The following MAGI1 variants were observed in gnomAD, a reference collection of about 807,000 sequenced individuals.
MAGI1 encodes membrane associated guanylate kinase, WW and PDZ domain containing 1.
In MAGI1, 58 loss-of-function variants were observed where a neutral mutation model predicts 139.9. The observed-to-expected ratio is 0.41, with a 90% CI of 0.34 to 0.52. The LOEUF (loss-of-function observed/expected upper bound fraction) is 0.52, where lower values mean the gene tolerates loss of function less well. MAGI1 is among the 20% of genes least tolerant of loss of function. The probability of loss-of-function intolerance (pLI) is 0.12; values close to 1 mark genes in which losing one functional copy is unlikely to be tolerated. For missense variants in MAGI1, 1,874 were observed against 1,901.6 expected (o/e 0.99, Z 0.27); for synonymous variants, 812 against 737.9 (o/e 1.10, Z -1.63).
intron 6 of MAGI1, among the ~76,000 whole-genome samples, chr3:65,449,306 A>G (rs949775084): frequency 2.6e-5 from 4 of 152,228 alleles, no homozygotes; most frequent in Admixed American, 6.5e-5. Context: ...TGCCAGCGGT[A>G]AGTTTTGATT....
At chr3:65,636,453 T>C (rs2084623977) in intron 1 of MAGI1, among the ~76,000 whole-genome samples, 1 of 152,180 alleles carries the variant, frequency 6.6e-6, no homozygotes, top group African/African-American at 2.4e-5. Flanking sequence ...AAAGTGATTA[T>C]AAATAATGGG....
rs148749526 is a variant in MAGI1, at chr3:65,964,778, T to C, written c.313+73218A>G. Among the ~76,000 whole-genome samples the C allele has an allele frequency of 8.4e-4, 128 of 152,336 alleles. 1 individual carries two copies. Among genetic ancestry groups the C allele is most frequent in the Middle Eastern group, 3.4e-3 (1 of 294 alleles). On this transcript the variant is annotated intron_variant, in intron 1 of 22. Coordinates refer to ENST00000402939, the MANE Select transcript of MAGI1 (RefSeq NM_001033057.2). ...ATCATGCAAATCCTCAGGCATATCC[T>C]AGGTTCACTTTCAGGGGATTCCCTG... is the stretch of plus-strand genomic sequence containing the variant.
chr3:66,011,333 G>A (rs1026874829), intron 1 of MAGI1, among the ~76,000 whole-genome samples: 1 of 152,192 alleles, frequency 6.6e-6, no homozygotes, highest in Non-Finnish European at 1.5e-5. Flanking sequence ...TTGAAAGCTA[G>A]TCAAACATGA....
At chr3:65,883,100 T>C (rs932132373) in intron 1 of MAGI1, among the ~76,000 whole-genome samples, 1 of 152,142 alleles carries the variant, frequency 6.6e-6, no homozygotes, top group African/African-American at 2.4e-5. Flanking sequence ...CTTTTAACAT[T>C]CCAGTCATTT....
At chr3:65,435,856 A>G (rs539550846) in intron 10 of MAGI1, among the ~76,000 whole-genome samples, 2 of 152,288 alleles carry the variant, frequency 1.3e-5, no homozygotes, top group East Asian at 3.9e-4. Context: ...CAGAAGGAAC[A>G]GCCTCTGCAA....
chr3:65,516,718 C>CTTTTTTTTTTT lies in MAGI1; in HGVS notation c.431-23098_431-23088dup, dbSNP rs71102867. 6.7e-4 allele frequency among the ~76,000 whole-genome samples: 45 copies of CTTTTTTTTTTT among 66,994 alleles called. 4 individuals are homozygous for CTTTTTTTTTTT. The highest frequency in any genetic ancestry group is 2.4e-3 in the African/African-American group (42 of 17,570). The allele number at this position is 66,994 out of a possible 152,430, so 44.0% of individuals were successfully genotyped here. On this transcript the variant is annotated intron_variant, in intron 2 of 22. Transcript: ENST00000402939. The stretch of plus-strand genomic sequence containing the variant: ...GGAAGAAACATAGTACATCCCACCT[C>CTTTTTTTTTTT]TTTTTTTTTTTTTTTTTTTTTTTTT...
At chr3:65,867,885 G>A (rs2059785556) in intron 1 of MAGI1, among the ~76,000 whole-genome samples, 3 of 152,124 alleles carry the variant, frequency 2.0e-5, no homozygotes, top group Non-Finnish European at 4.4e-5. Context: ...GAGACTCAGG[G>A]TCCAGGAGTC....
chr3:65,409,611 G>T (rs550927068), intron 12 of MAGI1, among the ~76,000 whole-genome samples: 1 of 150,312 alleles, frequency 6.7e-6, no homozygotes, highest in East Asian at 2.0e-4. Flanking sequence ...ATGAAAAAAC[G>T]ATCCCAGTTT....
At chr3:65,684,307 T>C (rs2087835850) in intron 1 of MAGI1, among the ~76,000 whole-genome samples, 1 of 152,066 alleles carries the variant, frequency 6.6e-6, no homozygotes, top group Non-Finnish European at 1.5e-5. Flanking sequence ...CCAGCATTCA[T>C]AACAGCTTTA....
chr3:65,602,855 T>C (rs2082545597), intron 2 of MAGI1, among the ~76,000 whole-genome samples: 1 of 151,884 alleles, frequency 6.6e-6, no homozygotes. Context: ...AATAGGACCA[T>C]GAGTGGGGAA....
chr3:65,771,949 T>A (rs960317509), intron 1 of MAGI1, among the ~76,000 whole-genome samples: 1 of 152,174 alleles, frequency 6.6e-6, no homozygotes, highest in Non-Finnish European at 1.5e-5. Flanking sequence ...ACGCCTATAA[T>A]CCCAGCACTT....
intron 1 of MAGI1, among the ~76,000 whole-genome samples, chr3:65,862,002 G>A (rs1489521263): frequency 6.6e-6 from 1 of 152,068 alleles, no homozygotes; most frequent in African/African-American, 2.4e-5. Context: ...CTCTCTAATT[G>A]GCACCACCAG....
At chr3:65,394,964 G>A (rs1293804639) in intron 13 of MAGI1, among the ~76,000 whole-genome samples, 2 of 152,166 alleles carry the variant, frequency 1.3e-5, no homozygotes, top group Non-Finnish European at 1.5e-5. Flanking sequence ...ACAAGTAGCT[G>A]TAGTTAAAAG....
At chr3:65,922,827 G>A (rs924008128) in intron 1 of MAGI1, among the ~76,000 whole-genome samples, 5 of 152,184 alleles carry the variant, frequency 3.3e-5, no homozygotes, top group Non-Finnish European at 7.3e-5. Context: ...GCAGGTTTCT[G>A]TCAAATAATA....
intron 16 of MAGI1, among the ~76,000 whole-genome samples, chr3:65,381,670 A>G (rs1395187466): frequency 6.6e-6 from 1 of 152,184 alleles, no homozygotes; most frequent in Non-Finnish European, 1.5e-5. Flanking sequence ...CCTTTGTTGA[A>G]CACATGCAAA....
At chr3:65,425,420 C>G (rs13088301) in intron 12 of MAGI1, among the ~76,000 whole-genome samples, 24,079 of 152,116 alleles carry the variant, frequency 0.16, 3,277 homozygotes, top group East Asian at 0.68. Flanking sequence ...TCTGTCTCCA[C>G]AGTCCTGTGG....
At chr3:65,821,247 C>A (rs943670551) in intron 1 of MAGI1, among the ~76,000 whole-genome samples, 3 of 152,118 alleles carry the variant, frequency 2.0e-5, no homozygotes, top group African/African-American at 7.2e-5. Context: ...AACCTGGGGT[C>A]CTGGAGGTCC....
chr3:66,024,016 T>G (rs2107563736), intron 1 of MAGI1, among the ~76,000 whole-genome samples: 1 of 152,272 alleles, frequency 6.6e-6, no homozygotes, highest in Middle Eastern at 3.4e-3. Flanking sequence ...CTACATGGAC[T>G]ATAATGCCAA....
chr3:65,876,288 C>T (rs1479001080), intron 1 of MAGI1, among the ~76,000 whole-genome samples: 1 of 152,002 alleles, frequency 6.6e-6, no homozygotes, highest in Non-Finnish European at 1.5e-5. Flanking sequence ...CGCCTGTGAA[C>T]AGCCACTGCA....
Sources: gnomAD v4.1 joint callset for allele counts (sites outside exome capture counted in the v4.1 genomes callset) on GRCh38, gnomAD v4.1.1 for gene constraint, MANE v1.5 for transcripts, NCBI Gene and HGNC (gene_info 2026-07-23, HGNC 2026-07-21) for gene names.